The following OLFM2 variants were observed in gnomAD, a reference collection of about 807,000 sequenced individuals.
The protein encoded by OLFM2 is olfactomedin 2.
In OLFM2, 20 loss-of-function variants were observed where a neutral mutation model predicts 43.9. That is an observed-to-expected ratio of 0.46 (90% CI 0.32 to 0.66). The LOEUF (loss-of-function observed/expected upper bound fraction) is 0.66. Ranked by LOEUF, OLFM2 falls within the 30% of genes least tolerant of loss-of-function variation. The probability of loss-of-function intolerance (pLI) is 0.04; values close to 1 mark genes in which losing one functional copy is unlikely to be tolerated. For synonymous variants in OLFM2, 268 were observed against 278.6 expected (o/e 0.96, Z 0.38); for missense variants, 416 against 643.6 (o/e 0.65, Z 3.83).
chr19:9,920,104 C>T (rs1331035135), intron 1 of OLFM2, among the ~76,000 whole-genome samples: 3 of 151,944 alleles, frequency 2.0e-5, no homozygotes, highest in Non-Finnish European at 4.4e-5. Flanking sequence ...ACACCTGGCC[C>T]CTCCCCACCA....
At chr19:9,861,377 A>C (rs551397101) in intron 1 of OLFM2, among the ~76,000 whole-genome samples, 20 of 150,146 alleles carry the variant, frequency 1.3e-4, no homozygotes, top group Admixed American at 2.7e-4. Context: ...CTGTCTCACA[A>C]AAAAAAAAGG....
intron 1 of OLFM2, among the ~76,000 whole-genome samples, chr19:9,904,134 T>A (rs1599491333): frequency 6.7e-6 from 1 of 149,560 alleles, no homozygotes; most frequent in East Asian, 2.0e-4. Context: ...AGGCCTCCAA[T>A]CCCAGGCTGA....
At chr19:9,883,282 C>T (rs1443068799) in intron 1 of OLFM2, among the ~76,000 whole-genome samples, 1 of 151,312 alleles carries the variant, frequency 6.6e-6, no homozygotes, top group Non-Finnish European at 1.5e-5. Flanking sequence ...AGGCAAAAAT[C>T]CAACAAATTC....
chr19:9,863,807 C>T (rs1382461674), intron 1 of OLFM2, among the ~76,000 whole-genome samples: 1 of 152,094 alleles, frequency 6.6e-6, no homozygotes, highest in Non-Finnish European at 1.5e-5. Flanking sequence ...TACAGATGAG[C>T]TTGACTCCCC....
intron 1 of OLFM2, among the ~76,000 whole-genome samples, chr19:9,925,095 T>C (rs750910704): frequency 4.0e-5 from 6 of 151,752 alleles, no homozygotes; most frequent in Non-Finnish European, 5.9e-5. Flanking sequence ...AAATCCTAGC[T>C]CTACAAAAAA....
intron 1 of OLFM2, among the ~76,000 whole-genome samples, chr19:9,892,443 C>G (rs7254559): frequency 0.38 from 57,997 of 151,986 alleles, 12,461 homozygotes; most frequent in Admixed American, 0.52. Context: ...GTGTGCGGTG[C>G]CTCACGCCTG....
At chr19:9,911,732 A>G (rs1044057015) in intron 1 of OLFM2, among the ~76,000 whole-genome samples, 6 of 152,194 alleles carry the variant, frequency 3.9e-5, no homozygotes, top group African/African-American at 1.4e-4. Context: ...CATTCTGCAG[A>G]CACACCATAT....
chr19:9,871,768 A>G (rs1479558351), intron 1 of OLFM2, among the ~76,000 whole-genome samples: 1 of 151,978 alleles, frequency 6.6e-6, no homozygotes, highest in Admixed American at 6.6e-5. Flanking sequence ...GCCTGCCTCT[A>G]CCCTGGGAAA....
intron 1 of OLFM2, among the ~76,000 whole-genome samples, chr19:9,867,543 G>T (rs2046412085): frequency 6.6e-6 from 1 of 152,186 alleles, no homozygotes; most frequent in Admixed American, 6.5e-5. Context: ...TTGTGTTTGA[G>T]GCTGGATAAT....
chr19:9,913,993 C>A (rs2046854334), intron 1 of OLFM2, among the ~76,000 whole-genome samples: 1 of 147,354 alleles, frequency 6.8e-6, no homozygotes, highest in Non-Finnish European at 1.5e-5. Context: ...GAGGACCTCT[C>A]CATGGGGTGG....
At chr19:9,936,186 G>T in intron 1 of OLFM2, 118 bp downstream of exon 1, 1 of 1,082,742 alleles carries the variant, frequency 9.2e-7, no homozygotes, top group Non-Finnish European at 1.3e-6. Context: ...CCCGCCCCTC[G>T]CCGCCCTGCA....
intron 1 of OLFM2, among the ~76,000 whole-genome samples, chr19:9,911,591 T>C (rs2046827869): frequency 6.6e-6 from 1 of 152,174 alleles, no homozygotes; most frequent in African/African-American, 2.4e-5. Context: ...CTTGCAGTTA[T>C]ATGCACACAC....
At chr19:9,905,224 G>A (rs1046407287) in intron 1 of OLFM2, among the ~76,000 whole-genome samples, 2 of 152,212 alleles carry the variant, frequency 1.3e-5, no homozygotes, top group East Asian at 1.9e-4. Flanking sequence ...TTGGGAGGCC[G>A]AGGCGGGCAG....
chr19:9,855,781 C>G (rs2046312196), intron 5 of OLFM2, among the ~76,000 whole-genome samples: 1 of 152,132 alleles, frequency 6.6e-6, no homozygotes, highest in Non-Finnish European at 1.5e-5. Context: ...AGTGATCTGC[C>G]TGCCTCGGCC....
At chr19:9,895,431 G>C (rs1255160939) in intron 1 of OLFM2, among the ~76,000 whole-genome samples, 1 of 152,118 alleles carries the variant, frequency 6.6e-6, no homozygotes, top group Non-Finnish European at 1.5e-5. Flanking sequence ...AGAAGTCAAG[G>C]CTTCAGTGAG....
intron 1 of OLFM2, among the ~76,000 whole-genome samples, chr19:9,913,143 A>C (rs1193031590): frequency 6.6e-6 from 1 of 152,052 alleles, no homozygotes; most frequent in East Asian, 1.9e-4. Flanking sequence ...GACTCAGCTC[A>C]ATTCTGCAGC....
intron 1 of OLFM2, among the ~76,000 whole-genome samples, chr19:9,863,603 C>A (rs2046379892): frequency 1.3e-5 from 2 of 152,080 alleles, no homozygotes; most frequent in Admixed American, 1.3e-4. Context: ...AATCATTGAT[C>A]ATTTGCACAG....
chr19:9,875,618 G>A (rs1468749686), intron 1 of OLFM2, among the ~76,000 whole-genome samples: 1 of 151,360 alleles, frequency 6.6e-6, no homozygotes, highest in Non-Finnish European at 1.5e-5. Flanking sequence ...AGCCTCCCGG[G>A]TAGCTGGGAC....
chr19:9,869,653 A>G (rs376925832), intron 1 of OLFM2, among the ~76,000 whole-genome samples: 93 of 152,126 alleles, frequency 6.1e-4, no homozygotes, highest in Non-Finnish European at 1.5e-4. Flanking sequence ...GTGTCACTCT[A>G]TCGTCCAGGC....
Sources: gnomAD v4.1 joint callset for allele counts (sites outside exome capture counted in the v4.1 genomes callset) on GRCh38, gnomAD v4.1.1 for gene constraint, MANE v1.5 for transcripts, NCBI Gene and HGNC (gene_info 2026-07-23, HGNC 2026-07-21) for gene names.